COLEC11: variants seen among roughly 807,000 people sequenced by gnomAD.
The protein encoded by COLEC11 is collectin subfamily member 11, also known as collectin-11.
COLEC11 carries 20 observed loss-of-function variants against 27.3 expected under a neutral mutation model. The observed-to-expected ratio is 0.73, with a 90% CI of 0.51 to 1.06. The LOEUF (loss-of-function observed/expected upper bound fraction) is 1.06, where lower values mean the gene tolerates loss of function less well. Ranked by LOEUF, COLEC11 falls within the 50% of genes least tolerant of loss-of-function variation. The probability of loss-of-function intolerance (pLI) is 0.00; values close to 1 mark genes in which losing one functional copy is unlikely to be tolerated. For missense variants in COLEC11, 310 were observed against 383.0 expected, an observed-to-expected ratio of 0.81 and a Z score of 1.59; for synonymous variants, 163 against 154.7, an observed-to-expected ratio of 1.05 and a Z score of -0.40.
chr2:3,633,226 AG>A (rs1665142526), intron 3 of COLEC11, among the ~76,000 whole-genome samples: 1 of 152,184 alleles, frequency 6.6e-6, no homozygotes, highest in African/African-American at 2.4e-5. Flanking sequence ...GAGACAGTGG[AG>A]GAGAAGCCCC....
Position 3,644,446 on chromosome 2 carries a change from A to C in COLEC11, c.*328A>C, listed in dbSNP as rs758691212. ...CAATAAAATCTTTAAGTAGTGCAGT[A>C]GTTAAGTCCAAATAGTGGCAATGGG... On this transcript the variant is annotated 3_prime_UTR_variant, in exon 7 of 7. Coordinates refer to ENST00000349077, the MANE Select transcript of COLEC11 (RefSeq NM_024027.5). 8 of 536,502 alleles carry C rather than the reference A, an allele frequency of 1.5e-5. No individual in the cohort carries two copies. Among genetic ancestry groups the C allele is most frequent in the South Asian group, 3.1e-5 (2 of 65,222 alleles). The allele number at this position is 536,502 out of a possible 1,614,324, so 33.2% of individuals were successfully genotyped here.
chr2:3,638,153 G>A lies in COLEC11; in HGVS notation c.274+549G>A, dbSNP rs548724367. Among the ~76,000 whole-genome samples the A allele has an allele frequency of 5.3e-5, 8 of 152,374 alleles. No individual in the cohort carries two copies. The East Asian group carries it at 1.2e-3, about 22-fold the overall frequency. On this transcript the variant is annotated intron_variant, in intron 4 of 6. Coordinates refer to ENST00000349077, the MANE Select transcript of COLEC11 (RefSeq NM_024027.5). ...TCTCCGCTGCTGCATTTGGCTGCACGGCCGTGGTAAGGCGGGCAGATCAGC... is the reference window on the plus strand; with the variant it reads ...TCTCCGCTGCTGCATTTGGCTGCACAGCCGTGGTAAGGCGGGCAGATCAGC...
chr2:3,617,577 C>A lies in COLEC11; in HGVS notation c.202+4195C>A. 3.7e-6 allele frequency: 6 copies of A among 1,608,294 alleles called. No homozygotes were observed. In the Admixed American group the frequency reaches 8.3e-5, roughly 22 times the overall value. Reference sequence around the variant, plus strand: ...GATTTGCCTGCTTGCTTCTCCTGTTCAGTCGTTTCTTTGGAAGGCAGTGGA... The same window carrying A: ...GATTTGCCTGCTTGCTTCTCCTGTTAAGTCGTTTCTTTGGAAGGCAGTGGA... On this transcript the variant is annotated intron_variant, in intron 3 of 6. Transcript: ENST00000349077.
At chr2:3,630,136 T>C (rs1664884549) in intron 3 of COLEC11, among the ~76,000 whole-genome samples, 1 of 115,754 alleles carries the variant, frequency 8.6e-6, no homozygotes, top group South Asian at 2.3e-4. Context: ...CATCTCTATG[T>C]GTATATGCAT....
rs377560723 is a variant in COLEC11, at chr2:3,607,449, C to CTTTTTTTTTTTTTT, written c.130+2981_130+2994dup. On this transcript the variant is annotated intron_variant, in intron 2 of 6. Coordinates refer to ENST00000349077, the MANE Select transcript of COLEC11 (RefSeq NM_024027.5). ...CTTTATCAAATGAATTTTTTTTTTG[C>CTTTTTTTTTTTTTT]TTTTTTTTTTTTTTTGAGATGGAGT... 2.7e-4 allele frequency among the ~76,000 whole-genome samples: 30 copies of CTTTTTTTTTTTTTT among 109,178 alleles called. 1 individual carries two copies. The highest frequency in any genetic ancestry group is 6.2e-3 in the Middle Eastern group (1 of 162). 71.6% of individuals were successfully genotyped at this position (109,178 alleles called of 152,430 possible). A position where few individuals can be genotyped will look rare whatever the true frequency, so the allele number is the denominator to read the frequency against.
chr2:3,621,027 T>C (rs1664147828), intron 3 of COLEC11, among the ~76,000 whole-genome samples: 1 of 152,232 alleles, frequency 6.6e-6, no homozygotes, highest in African/African-American at 2.4e-5. Flanking sequence ...TGGAATGTTC[T>C]CTGTTAGCTC....
At chr2:3,634,004 T>C (rs1665205187) in intron 3 of COLEC11, among the ~76,000 whole-genome samples, 1 of 152,170 alleles carries the variant, frequency 6.6e-6, no homozygotes, top group Non-Finnish European at 1.5e-5. Flanking sequence ...ACCTTTCAGC[T>C]TCAGACCACG....
At chr2:3,601,033 T>C (rs1354143783) in intron 1 of COLEC11, among the ~76,000 whole-genome samples, 1 of 152,172 alleles carries the variant, frequency 6.6e-6, no homozygotes, top group Non-Finnish European at 1.5e-5. Context: ...TTTCCACTCC[T>C]GTGCTTTGTG....
intron 1 of COLEC11, chr2:3,604,107 C>T (rs1195899695): frequency 4.8e-6 from 3 of 621,172 alleles, no homozygotes; most frequent in East Asian, 2.7e-5. Flanking sequence ...CACTTGGTGC[C>T]TGGTGCTGAC....
intron 3 of COLEC11, among the ~76,000 whole-genome samples, chr2:3,623,693 T>C (rs1664332817): frequency 6.6e-6 from 1 of 152,228 alleles, no homozygotes; most frequent in Admixed American, 6.5e-5. Flanking sequence ...GAATTCCTCA[T>C]TTTTAATGTA....
At chr2:3,617,574 G>C (rs1558501081) in intron 3 of COLEC11, 1 of 1,607,110 alleles carries the variant, frequency 6.2e-7, no homozygotes, top group Non-Finnish European at 8.5e-7. Flanking sequence ...TGCTTCTCCT[G>C]TTCAGTCGTT....
intron 3 of COLEC11, among the ~76,000 whole-genome samples, chr2:3,614,083 TCTC>T (rs1003347018): frequency 5.9e-5 from 9 of 151,872 alleles, no homozygotes; most frequent in African/African-American, 2.2e-4. Flanking sequence ...TTCAAGCTAT[TCTC>T]CTGCCTCAAC....
rs758556031 is a variant in COLEC11, at chr2:3,625,969, G to A, written c.203-11564G>A. The A allele has an allele frequency of 6.5e-6, 10 of 1,527,334 alleles. No homozygotes were observed. In the South Asian group the frequency reaches 1.1e-4, roughly 17 times the overall value. 94.6% of individuals were successfully genotyped at this position (1,527,334 alleles called of 1,614,324 possible). On this transcript the variant is annotated intron_variant, in intron 3 of 6. Transcript: ENST00000349077. ...GTTATTTAACATCTCTATTATCTGA[G>A]TTGTCAGGCAGGGATAGTCATAACA...
chr2:3,613,354 T>C lies in COLEC11; in HGVS notation c.174T>C (p.Pro58=). 1 of 1,607,668 alleles carries C rather than the reference T, an allele frequency of 6.2e-7. No homozygotes were observed. Among genetic ancestry groups the C allele is most frequent in the South Asian group, 1.1e-5 (1 of 89,706 alleles). Residue 58 remains proline (P), a synonymous_variant, in exon 3 of 7, where the codon CCT becomes CCC. Coordinates refer to ENST00000349077, the MANE Select transcript of COLEC11 (RefSeq NM_024027.5). The stretch of plus-strand genomic sequence containing the variant: ...GAGACAAAGGCGCCCCCGGACGGCC[T>C]GGAAGAGTCGGCCCCACGGGAGAAA... ...EKGDKGAPGR[P]GRVGPTGEKG...
intron 2 of COLEC11, among the ~76,000 whole-genome samples, chr2:3,608,259 C>T (rs1662892725): frequency 6.6e-6 from 1 of 152,158 alleles, no homozygotes; most frequent in African/African-American, 2.4e-5. Context: ...GAGGAGAGAG[C>T]TGCGTTGTGG....
chr2:3,602,546 G>C lies in COLEC11; in HGVS notation c.-26-1769G>C, dbSNP rs1412619961. On this transcript the variant is annotated intron_variant, in intron 1 of 6. Coordinates refer to ENST00000349077, the MANE Select transcript of COLEC11 (RefSeq NM_024027.5). This position sits in a 1 kb window ranked among gnomAD's most constrained non-coding sequence, Gnocchi z 6.2. ...CACCTCCACCCACACGTGGGGTCCA[G>C]CTGCCATCCTCGCCCGCTGTGCTGT... Among the ~76,000 whole-genome samples, 1 of 152,168 alleles carries C rather than the reference G, an allele frequency of 6.6e-6. No individual in the cohort carries two copies. The highest frequency in any genetic ancestry group is 1.5e-5 in the Non-Finnish European group (1 of 68,028).
At chr2:3,603,056 C>T (rs1039429835) in intron 1 of COLEC11, among the ~76,000 whole-genome samples, 1 of 152,224 alleles carries the variant, frequency 6.6e-6, no homozygotes, top group African/African-American at 2.4e-5. Context: ...AATGATTAAC[C>T]AAACGAAAGG....
chr2:3,636,262 C>T (rs1165278991), intron 3 of COLEC11, among the ~76,000 whole-genome samples: 1 of 152,212 alleles, frequency 6.6e-6, no homozygotes, highest in Non-Finnish European at 1.5e-5. Context: ...CGAGACCATC[C>T]TGGCTAACAT....
At chr2:3,596,990 C>G (rs1572372883) in intron 1 of COLEC11, among the ~76,000 whole-genome samples, 1 of 152,364 alleles carries the variant, frequency 6.6e-6, no homozygotes, top group Non-Finnish European at 1.5e-5. Context: ...GCCCATAGGC[C>G]TAGCTGGGGC....
Sources: gnomAD v4.1 joint callset for allele counts (sites outside exome capture counted in the v4.1 genomes callset) on GRCh38, gnomAD v4.1.1 for gene constraint, Gnocchi (gnomAD v3.1) non-coding constraint, MANE v1.5 for transcripts, NCBI Gene and HGNC (gene_info 2026-07-23, HGNC 2026-07-21) for gene names.